The following ZFP91 variants were observed in gnomAD, a reference collection of about 807,000 sequenced individuals.
ZFP91 encodes the protein E3 ubiquitin-protein ligase ZFP91.
In ZFP91, 7 loss-of-function variants were observed where a neutral mutation model predicts 63.5. The ratio of observed to expected loss-of-function variants is 0.11; its 90% CI spans 0.06 to 0.21. ZFP91 has a LOEUF of 0.21. ZFP91 is among the 10% of genes least tolerant of loss of function. The pLI, the probability that ZFP91 is intolerant of heterozygous loss-of-function variation, is 1.00. For synonymous variants in ZFP91, 330 were observed against 272.1 expected (o/e 1.21, Z -2.10); for missense variants, 628 against 736.6 (o/e 0.85, Z 1.71).
chr11:58,579,136 C>T lies in ZFP91; in HGVS notation c.-146C>T, dbSNP rs1006577993. ...GGGGTGGGGGGGGCGCCCTCGGAGC[C>T]GGGCGGAGGGGAGGGGGGAAAGAGG... is the stretch of plus-strand genomic sequence containing the variant. On this transcript the variant is annotated 5_prime_UTR_variant, in exon 1 of 11. Coordinates refer to ENST00000316059, the MANE Select transcript of ZFP91 (RefSeq NM_053023.5). 5 of 529,718 alleles carry T rather than the reference C, an allele frequency of 9.4e-6. No homozygotes were observed. Among genetic ancestry groups the T allele is most frequent in the African/African-American group, 6.3e-5 (1 of 15,952 alleles). 32.8% of individuals were successfully genotyped at this position (529,718 alleles called of 1,614,324 possible). A position where few individuals can be genotyped will look rare whatever the true frequency, so the allele number is the denominator to read the frequency against.
intron 2 of ZFP91, among the ~76,000 whole-genome samples, chr11:58,608,348 A>G (rs997049118): frequency 6.6e-6 from 1 of 151,866 alleles, no homozygotes; most frequent in Non-Finnish European, 1.5e-5. Flanking sequence ...TTGTAGGATA[A>G]ATTTCTAGTA....
At chr11:58,592,596 G>GATC (rs928599165) in intron 2 of ZFP91, among the ~76,000 whole-genome samples, 1 of 152,156 alleles carries the variant, frequency 6.6e-6, no homozygotes, top group African/African-American at 2.4e-5. Context: ...AACACTGTAT[G>GATC]ATCTCGCTTG....
At chr11:58,585,151 A>G (rs1023155261) in intron 2 of ZFP91, among the ~76,000 whole-genome samples, 1 of 152,190 alleles carries the variant, frequency 6.6e-6, no homozygotes, top group African/African-American at 2.4e-5. Flanking sequence ...ATGAGGTAAC[A>G]GACTGGAATG....
In ZFP91 at chr11:58,620,891, A is replaced by G. The variant is rs1439287128; in HGVS notation, c.*3185A>G. On this transcript the variant is annotated 3_prime_UTR_variant, in exon 11 of 11. Coordinates refer to ENST00000316059, the MANE Select transcript of ZFP91 (RefSeq NM_053023.5). ...TTCTCCTTTCATGGGAGAGACAGGT[A>G]GTTACCTGAATATAGGTTGAAAAGG... 6.6e-6 allele frequency: 1 copy of G among 152,660 alleles called. No individual in the cohort carries two copies. The highest frequency in any genetic ancestry group is 1.5e-5 in the Non-Finnish European group (1 of 68,036). 9.5% of individuals were successfully genotyped at this position (152,660 alleles called of 1,614,324 possible). A position where few individuals can be genotyped will look rare whatever the true frequency, so the allele number is the denominator to read the frequency against.
chr11:58,594,897 G>T (rs1446492533), intron 2 of ZFP91, among the ~76,000 whole-genome samples: 1 of 152,076 alleles, frequency 6.6e-6, no homozygotes, highest in Non-Finnish European at 1.5e-5. Context: ...GTGGCTTTAG[G>T]TTAAAAATTC....
At chr11:58,597,510 A>C (rs1036906828) in intron 2 of ZFP91, among the ~76,000 whole-genome samples, 1 of 152,114 alleles carries the variant, frequency 6.6e-6, no homozygotes, top group East Asian at 1.9e-4. Context: ...TTTAAAGCCA[A>C]ATCTCTTTCT....
At chr11:58,593,506 C>T (rs183227550) in intron 2 of ZFP91, among the ~76,000 whole-genome samples, 1 of 152,078 alleles carries the variant, frequency 6.6e-6, no homozygotes. Flanking sequence ...TTTTTTAATG[C>T]AAAACTGCTG....
At position 58,617,186 on chromosome 11, in the gene ZFP91, C is replaced by T. The variant is rs1235522221; in HGVS notation, c.1203-10C>T. On this transcript the variant is annotated splice_polypyrimidine_tract_variant and intron_variant, in intron 10 of 10. Transcript: ENST00000316059. The surrounding 1 kb of genome is among the most constrained non-coding windows in gnomAD (Gnocchi z 4.2). ...GTTGGATCAGCCATTTCCTTTTCTC[C>T]TCTCCTTAGATGTGAGATCTGTGGA... 6.4e-7 allele frequency: 1 copy of T among 1,555,404 alleles called. No homozygotes were observed. The highest frequency in any genetic ancestry group is 8.7e-7 in the Non-Finnish European group (1 of 1,154,760).
intron 2 of ZFP91, among the ~76,000 whole-genome samples, chr11:58,606,816 C>G (rs1452932981): frequency 6.6e-6 from 1 of 152,072 alleles, no homozygotes; most frequent in East Asian, 1.9e-4. Context: ...ATTCAGTGCT[C>G]ACTTGGCTTT....
chr11:58,582,941 G>GA (rs1055118308), intron 1 of ZFP91, among the ~76,000 whole-genome samples: 23 of 152,162 alleles, frequency 1.5e-4, no homozygotes, highest in African/African-American at 5.5e-4. Context: ...AAGCTAGTAG[G>GA]AAAAATAAAC....
At position 58,618,653 on chromosome 11, in the gene ZFP91, C is replaced by A. The variant is rs953092444; in HGVS notation, c.*947C>A. ...AGATTAGATTATTTTGACATGGGAT[C>A]CCTTCCATAACAGGTACTTTGAAGG... On this transcript the variant is annotated 3_prime_UTR_variant, in exon 11 of 11. Coordinates refer to ENST00000316059, the MANE Select transcript of ZFP91 (RefSeq NM_053023.5). The A allele has an allele frequency of 1.1e-5, 5 of 455,758 alleles. No individual in the cohort carries two copies. Among genetic ancestry groups the A allele is most frequent in the Admixed American group, 4.7e-5 (2 of 42,444 alleles). The allele number at this position is 455,758 out of a possible 1,614,324, so 28.2% of individuals were successfully genotyped here.
At chr11:58,613,194 T>G (rs1358495536) in intron 8 of ZFP91, among the ~76,000 whole-genome samples, 6 of 152,176 alleles carry the variant, frequency 3.9e-5, no homozygotes, top group Non-Finnish European at 8.8e-5. Flanking sequence ...AACATATATT[T>G]ATTTATTAGC....
At position 58,616,741 on chromosome 11, in the gene ZFP91, T is replaced by C. The variant is rs1157530283; in HGVS notation, c.1128T>C (p.Tyr376=). 7 of 1,613,808 alleles carry C rather than the reference T, an allele frequency of 4.3e-6. No homozygotes were observed. The East Asian group carries it at 1.3e-4, about 31-fold the overall frequency. Residue 376 remains tyrosine, a synonymous_variant, in exon 10 of 11, where the codon TAT becomes TAC. Coordinates refer to ENST00000316059, the MANE Select transcript of ZFP91 (RefSeq NM_053023.5). ...ATCAAAGGGATTATATCTGTGAATA[T>C]TGTGCTCGGGCCTTCAAGAGTTCCC... The part of the protein sequence containing the change: ...HTDQRDYICE[Y]CARAFKSSHN...
chr11:58,582,458 C>T (rs568385155), intron 1 of ZFP91, among the ~76,000 whole-genome samples: 14 of 152,200 alleles, frequency 9.2e-5, no homozygotes, highest in African/African-American at 3.1e-4. Context: ...CCAGCATTTC[C>T]CTGTATACAA....
At chr11:58,589,223 C>T (rs1261068377) in intron 2 of ZFP91, among the ~76,000 whole-genome samples, 11 of 152,030 alleles carry the variant, frequency 7.2e-5, no homozygotes, top group African/African-American at 2.2e-4. Flanking sequence ...AGAAGTGTGC[C>T]GCCATTTCCA....
At chr11:58,603,086 A>G (rs778284340) in intron 2 of ZFP91, among the ~76,000 whole-genome samples, 8 of 152,172 alleles carry the variant, frequency 5.3e-5, no homozygotes, top group Non-Finnish European at 1.0e-4. Context: ...AATGATGAAC[A>G]TGTTATTGGA....
chr11:58,586,803 A>G (rs530693315), intron 2 of ZFP91, among the ~76,000 whole-genome samples: 2 of 152,304 alleles, frequency 1.3e-5, no homozygotes, highest in African/African-American at 4.8e-5. Flanking sequence ...CCTCATGTTC[A>G]GTCTGCTAAA....
At chr11:58,601,828 T>C (rs75695542) in intron 2 of ZFP91, among the ~76,000 whole-genome samples, 2,178 of 152,326 alleles carry the variant, frequency 0.014, 24 homozygotes, top group Non-Finnish European at 0.02. Flanking sequence ...CCTTCTGATA[T>C]TGATTTCTAG....
chr11:58,619,241 A>G lies in ZFP91; in HGVS notation c.*1535A>G, dbSNP rs1189633398. The G allele has an allele frequency of 8.5e-5, 13 of 152,560 alleles. No individual in the cohort carries two copies. The highest frequency in any genetic ancestry group is 2.4e-4 in the African/African-American group (10 of 41,576). The allele number at this position is 152,560 out of a possible 1,614,324, so 9.5% of individuals were successfully genotyped here. ...TTCACCTAAAATTCTGGGCATCACA[A>G]TTTCCTTGGGATAGAGGTTGTGTTG... On this transcript the variant is annotated 3_prime_UTR_variant, in exon 11 of 11. Coordinates refer to ENST00000316059, the MANE Select transcript of ZFP91 (RefSeq NM_053023.5).
Sources: gnomAD v4.1 joint callset for allele counts (sites outside exome capture counted in the v4.1 genomes callset) on GRCh38, gnomAD v4.1.1 for gene constraint, Gnocchi (gnomAD v3.1) non-coding constraint, MANE v1.5 for transcripts, NCBI Gene and HGNC (gene_info 2026-07-23, HGNC 2026-07-21) for gene names.